Variants in ZNF536 observed in about 807,000 individuals in gnomAD.
ZNF536 encodes the protein zinc finger protein 536.
In ZNF536, 13 loss-of-function variants were observed where a neutral mutation model predicts 84.5. That is an observed-to-expected ratio of 0.15 (90% confidence interval 0.10 to 0.24). ZNF536 has a LOEUF of 0.24. ZNF536 is among the 10% of genes least tolerant of loss of function. The pLI, the probability that ZNF536 is intolerant of heterozygous loss-of-function variation, is 1.00. For synonymous variants in ZNF536, 811 were observed against 742.5 expected (o/e 1.09, Z -1.50); for missense variants, 1,536 against 1,747.5 (o/e 0.88, Z 2.16).
chr19:30,310,778 G>A (rs767191298), intron 2 of ZNF536, among the ~76,000 whole-genome samples: 5 of 152,180 alleles, frequency 3.3e-5, no homozygotes, highest in Admixed American at 2.0e-4. Flanking sequence ...TTCTGTTTGC[G>A]TGACTAAATA....
intron 1 of ZNF536, among the ~76,000 whole-genome samples, chr19:30,605,942 C>T (rs1334006122): frequency 6.6e-6 from 1 of 151,880 alleles, no homozygotes; most frequent in Non-Finnish European, 1.5e-5. Flanking sequence ...AGACTTTGGC[C>T]ATTTGAAAAG....
In ZNF536 at chr19:30,700,234, TTCTTTCTC is replaced by T. The variant is rs1304427493; in HGVS notation, c.170-10519_170-10512del. Among the ~76,000 whole-genome samples the T allele has an allele frequency of 2.1e-4, 28 of 130,996 alleles. 1 individual carries two copies. Among genetic ancestry groups the T allele is most frequent in the African/African-American group, 6.8e-4 (24 of 35,104 alleles). 85.9% of individuals were successfully genotyped at this position (130,996 alleles called of 152,430 possible). A position where few individuals can be genotyped will look rare whatever the true frequency, so the allele number is the denominator to read the frequency against. ...TTTCCTTCTTTCTTTCTTTCTTTCT[TTCTTTCTC>T]TCTCTCTCTCTCTTTCTTTCTTTCT... On this transcript the variant is annotated intron_variant, in intron 1 of 1. Transcript: ENST00000592773.
chr19:30,673,277 C>G (rs2050628322), intron 1 of ZNF536, among the ~76,000 whole-genome samples: 1 of 152,174 alleles, frequency 6.6e-6, no homozygotes. Context: ...CCTGGCCCTT[C>G]AGGGGCACAC....
intron 1 of ZNF536, among the ~76,000 whole-genome samples, chr19:30,282,825 A>G (rs1289074230): frequency 1.3e-5 from 2 of 152,196 alleles, no homozygotes; most frequent in Non-Finnish European, 2.9e-5. Flanking sequence ...AGAGAGAGAG[A>G]CAGACAGACA....
chr19:30,476,111 A>C (rs1264529177), intron 2 of ZNF536, among the ~76,000 whole-genome samples: 1 of 152,188 alleles, frequency 6.6e-6, no homozygotes, highest in African/African-American at 2.4e-5. Context: ...TGTTAGTAAG[A>C]GAGTGAGTGG....
At chr19:30,321,208 T>G (rs940093166) in intron 2 of ZNF536, among the ~76,000 whole-genome samples, 10 of 152,200 alleles carry the variant, frequency 6.6e-5, no homozygotes, top group Admixed American at 5.9e-4. Flanking sequence ...TTCTCTGAAC[T>G]CTGAGAAAAC....
chr19:30,432,311 G>A (rs2051508956), intron 1 of ZNF536, among the ~76,000 whole-genome samples: 2 of 152,128 alleles, frequency 1.3e-5, no homozygotes, highest in Admixed American at 1.3e-4. Context: ...TAGAGGACCA[G>A]GGGGCTTGGA....
At chr19:30,451,350 G>A (rs1301233997) in intron 2 of ZNF536, among the ~76,000 whole-genome samples, 3 of 152,258 alleles carry the variant, frequency 2.0e-5, no homozygotes, top group Non-Finnish European at 2.9e-5. Flanking sequence ...CCTACCAGCA[G>A]TTTCTTTTTA....
intron 2 of ZNF536, among the ~76,000 whole-genome samples, chr19:30,322,155 C>T (rs1191097574): frequency 6.6e-6 from 1 of 152,204 alleles, no homozygotes; most frequent in East Asian, 1.9e-4. Context: ...TTTCCTCAGG[C>T]ATCACGTGAT....
chr19:30,680,343 C>T (rs1322128227), intron 1 of ZNF536, among the ~76,000 whole-genome samples: 1 of 150,746 alleles, frequency 6.6e-6, no homozygotes, highest in Non-Finnish European at 1.5e-5. Context: ...TGTTGGTGTG[C>T]TGCACCCATT....
chr19:30,625,538 C>T (rs1022607612), intron 1 of ZNF536, among the ~76,000 whole-genome samples: 4 of 152,168 alleles, frequency 2.6e-5, no homozygotes, highest in Admixed American at 6.5e-5. Flanking sequence ...TGTTAAGAAG[C>T]GGGCAAGGTT....
At chr19:30,451,189 C>A (rs1185639569) in intron 2 of ZNF536, among the ~76,000 whole-genome samples, 2 of 152,230 alleles carry the variant, frequency 1.3e-5, no homozygotes, top group Admixed American at 6.5e-5. Context: ...CAGAGGCCCC[C>A]GTGTCTTCCC....
chr19:30,582,356 G>C (rs1010441470), intron 1 of ZNF536, among the ~76,000 whole-genome samples: 1 of 149,180 alleles, frequency 6.7e-6, no homozygotes, highest in African/African-American at 2.5e-5. Flanking sequence ...TGATGTCCTG[G>C]CTTCTCTTCC....
intron 1 of ZNF536, among the ~76,000 whole-genome samples, chr19:30,569,852 C>T (rs2046482585): frequency 6.6e-6 from 1 of 152,004 alleles, no homozygotes; most frequent in Non-Finnish European, 1.5e-5. Flanking sequence ...GATTACAGAG[C>T]CACTGTACCC....
At chr19:30,309,345 C>T (rs769569645) in intron 2 of ZNF536, among the ~76,000 whole-genome samples, 2 of 152,124 alleles carry the variant, frequency 1.3e-5, no homozygotes, top group East Asian at 1.9e-4. Flanking sequence ...AGTGTGGACT[C>T]GCTTCTATGT....
intron 1 of ZNF536, among the ~76,000 whole-genome samples, chr19:30,657,748 C>T (rs1448459522): frequency 6.6e-6 from 1 of 152,210 alleles, no homozygotes; most frequent in Non-Finnish European, 1.5e-5. Flanking sequence ...AACCTCAAAC[C>T]TCAAAACTTG....
chr19:30,353,321 C>T (rs368565646), intron 3 of ZNF536, among the ~76,000 whole-genome samples: 8 of 152,270 alleles, frequency 5.3e-5, no homozygotes, highest in East Asian at 3.9e-4. Context: ...GGTGGTGCTA[C>T]GGCCTCGTGT....
intron 1 of ZNF536, among the ~76,000 whole-genome samples, chr19:30,420,028 C>A (rs1478248091): frequency 6.6e-6 from 1 of 152,108 alleles, no homozygotes; most frequent in African/African-American, 2.4e-5. Context: ...GAGTCACAGG[C>A]AGGCTGGGCG....
intron 1 of ZNF536, among the ~76,000 whole-genome samples, chr19:30,264,143 T>G (rs977317956): frequency 6.6e-6 from 1 of 152,184 alleles, no homozygotes; most frequent in Non-Finnish European, 1.5e-5. Context: ...TCCCAGCCAA[T>G]GAAGCCGGCT....
Sources: allele counts gnomAD v4.1 joint callset (sites outside exome capture counted in the v4.1 genomes callset), GRCh38; gene constraint gnomAD v4.1.1; transcripts MANE v1.5; gene names NCBI Gene and HGNC (gene_info 2026-07-23, HGNC 2026-07-21).